WBP1L: variants seen among roughly 807,000 people sequenced by gnomAD.
WBP1L encodes WW domain binding protein 1-like.
In WBP1L, 17 loss-of-function variants were observed where a neutral mutation model predicts 33.7. The observed-to-expected ratio is 0.50, with a 90% CI of 0.34 to 0.76. The LOEUF is 0.76. WBP1L is among the 30% of genes least tolerant of loss of function. The probability of loss-of-function intolerance (pLI) is 0.01; values close to 1 mark genes in which losing one functional copy is unlikely to be tolerated. For synonymous variants in WBP1L, 173 were observed against 190.8 expected (o/e 0.91, Z 0.77); for missense variants, 389 against 469.4 (o/e 0.83, Z 1.58).
chr10:102,761,288 T>TGC (rs1843037353), intron 1 of WBP1L, among the ~76,000 whole-genome samples: 1 of 151,642 alleles, frequency 6.6e-6, no homozygotes, highest in African/African-American at 2.4e-5. Context: ...TACAGGCACC[T>TGC]ACCACCATGC....
At chr10:102,783,158 A>G (rs191501377) in intron 1 of WBP1L, among the ~76,000 whole-genome samples, 1 of 152,248 alleles carries the variant, frequency 6.6e-6, no homozygotes, top group Admixed American at 6.5e-5. Flanking sequence ...GCCAGCACAA[A>G]TAGAACATAC....
chr10:102,810,549 T>C (rs550015851), intron 3 of WBP1L, among the ~76,000 whole-genome samples: 55 of 113,254 alleles, frequency 4.9e-4, no homozygotes, highest in African/African-American at 1.5e-3. Context: ...TCCCTCCCTC[T>C]CTCTCTCTCT....
At position 102,808,917 on chromosome 10, in the gene WBP1L, G is replaced by A. The variant is rs570865305; in HGVS notation, c.194-976G>A. 2.6e-5 allele frequency among the ~76,000 whole-genome samples: 4 copies of A among 152,298 alleles called. No homozygotes were observed. The South Asian group carries it at 8.3e-4, about 32-fold the overall frequency. On this transcript the variant is annotated intron_variant, in intron 2 of 3. Coordinates refer to ENST00000448841, the MANE Select transcript of WBP1L (RefSeq NM_001083913.2). ...TTTTCTCAGAAATCTCTTAAGAGAGGAGGAGGAGACCATCCCAGAAGGTCT... is the reference window on the plus strand; with the variant it reads ...TTTTCTCAGAAATCTCTTAAGAGAGAAGGAGGAGACCATCCCAGAAGGTCT...
intron 1 of WBP1L, among the ~76,000 whole-genome samples, chr10:102,766,833 A>T (rs201849241): frequency 0.067 from 925 of 13,750 alleles, 2 homozygotes; most frequent in Middle Eastern, 0.22. Context: ...CTCTGTCTCA[A>T]AAAAAAAAAA....
intron 1 of WBP1L, chr10:102,776,021 C>A: frequency 1.1e-6 from 1 of 893,674 alleles, no homozygotes; most frequent in Non-Finnish European, 1.3e-6. Flanking sequence ...CTAGGTGGGT[C>A]CAGGGCTGGG....
intron 1 of WBP1L, among the ~76,000 whole-genome samples, chr10:102,754,795 C>T (rs1246996511): frequency 6.6e-6 from 1 of 151,996 alleles, no homozygotes; most frequent in Non-Finnish European, 1.5e-5. Flanking sequence ...GCTTCGAACT[C>T]CTGGGCTAAA....
At chr10:102,809,320 T>C (rs1444919453) in intron 2 of WBP1L, among the ~76,000 whole-genome samples, 1 of 148,096 alleles carries the variant, frequency 6.8e-6, no homozygotes, top group African/African-American at 2.5e-5. Flanking sequence ...TCAGGTGATC[T>C]GCACGCCTCG....
chr10:102,765,573 T>C (rs1262680568), intron 1 of WBP1L, among the ~76,000 whole-genome samples: 2 of 152,182 alleles, frequency 1.3e-5, no homozygotes, highest in African/African-American at 2.4e-5. Context: ...TCTTCATTCA[T>C]GTGACGATCT....
intron 1 of WBP1L, among the ~76,000 whole-genome samples, chr10:102,772,194 G>A (rs1026057333): frequency 1.3e-5 from 2 of 150,266 alleles, no homozygotes; most frequent in Admixed American, 6.7e-5. Flanking sequence ...TCCCGACTTC[G>A]TGATCCACCC....
In WBP1L at chr10:102,777,561, C is replaced by CTTTT. The variant is rs35713577; in HGVS notation, c.91-20409_91-20406dup. Among the ~76,000 whole-genome samples, 36 of 55,568 alleles carry CTTTT rather than the reference C, an allele frequency of 6.5e-4. 4 individuals are homozygous for CTTTT. The highest frequency in any genetic ancestry group is 2.0e-3 in the African/African-American group (28 of 13,710). The allele number at this position is 55,568 out of a possible 152,430, so 36.5% of individuals were successfully genotyped here. A position where few individuals can be genotyped will look rare whatever the true frequency, so the allele number is the denominator to read the frequency against. ...TTCTGCCCCCACAAGAAAGGCTGTCCTTTTTTTTTTTTTTTTTTTTTTTTT... is the reference window on the plus strand; with the variant it reads ...TTCTGCCCCCACAAGAAAGGCTGTCCTTTTTTTTTTTTTTTTTTTTTTTTTTTTT... On this transcript the variant is annotated intron_variant, in intron 1 of 3. Transcript: ENST00000448841.
chr10:102,755,068 GC>G (rs1219602237), intron 1 of WBP1L, among the ~76,000 whole-genome samples: 1 of 151,660 alleles, frequency 6.6e-6, no homozygotes, highest in East Asian at 2.0e-4. Context: ...TCCTGCCTCA[GC>G]CTCCCCAGTA....
At chr10:102,777,685 C>T (rs923087387) in intron 1 of WBP1L, among the ~76,000 whole-genome samples, 2 of 151,324 alleles carry the variant, frequency 1.3e-5, no homozygotes, top group African/African-American at 4.9e-5. Flanking sequence ...CTGCCTCAGC[C>T]TCCTGAGTAG....
chr10:102,762,573 A>G (rs1843055130), intron 1 of WBP1L, among the ~76,000 whole-genome samples: 2 of 152,192 alleles, frequency 1.3e-5, no homozygotes, highest in South Asian at 4.1e-4. Context: ...TCCACCCTGC[A>G]AAACTTGGTC....
intron 1 of WBP1L, among the ~76,000 whole-genome samples, chr10:102,753,892 T>C (rs558926268): frequency 6.6e-6 from 1 of 152,248 alleles, no homozygotes; most frequent in Non-Finnish European, 1.5e-5. Context: ...ACAAATGTTA[T>C]GTTGTAACAC....
At chr10:102,789,946 G>C (rs1171070941) in intron 1 of WBP1L, among the ~76,000 whole-genome samples, 1 of 151,826 alleles carries the variant, frequency 6.6e-6, no homozygotes, top group Non-Finnish European at 1.5e-5. Flanking sequence ...CACAGTGTTA[G>C]CCAGGATGGT....
At chr10:102,795,912 A>G (rs1478577370) in intron 1 of WBP1L, among the ~76,000 whole-genome samples, 2 of 152,176 alleles carry the variant, frequency 1.3e-5, no homozygotes, top group Non-Finnish European at 2.9e-5. Context: ...GCTTCAGAGG[A>G]GAAGTTGACT....
chr10:102,770,067 C>T (rs955490232), intron 1 of WBP1L, among the ~76,000 whole-genome samples: 1 of 152,222 alleles, frequency 6.6e-6, no homozygotes, highest in African/African-American at 2.4e-5. Flanking sequence ...GTTAAGCAAC[C>T]TATAGTGTTT....
intron 1 of WBP1L, among the ~76,000 whole-genome samples, chr10:102,791,001 A>G (rs1267857328): frequency 6.6e-6 from 1 of 152,182 alleles, no homozygotes; most frequent in Non-Finnish European, 1.5e-5. Flanking sequence ...ATCACACATT[A>G]TTAGAGGAGA....
chr10:102,773,355 G>A (rs1843216892), intron 1 of WBP1L, among the ~76,000 whole-genome samples: 1 of 152,136 alleles, frequency 6.6e-6, no homozygotes, highest in Admixed American at 6.6e-5. Context: ...TAGGTGTAAT[G>A]CCTTGGGTTA....
Sources: gnomAD v4.1 joint callset for allele counts (sites outside exome capture counted in the v4.1 genomes callset) on GRCh38, gnomAD v4.1.1 for gene constraint, MANE v1.5 for transcripts, NCBI Gene and HGNC (gene_info 2026-07-23, HGNC 2026-07-21) for gene names.